The following SLC25A16 variants were observed in gnomAD, a reference collection of about 807,000 sequenced individuals.
SLC25A16 encodes mitochondrial coenzyme A transporter SLC25A16.
A neutral mutation model predicts 41.5 loss-of-function variants in SLC25A16; 39 were observed. The observed-to-expected ratio is 0.94, with a 90% CI of 0.73 to 1.23. The LOEUF is 1.23. Ranked by LOEUF, SLC25A16 falls within the 50% of genes most tolerant of loss-of-function variation. The pLI is 0.00. For missense variants in SLC25A16, 421 were observed against 426.9 expected, an observed-to-expected ratio of 0.99 and a Z score of 0.12; for synonymous variants, 146 against 147.8, an observed-to-expected ratio of 0.99 and a Z score of 0.09.
At chr10:68,512,013 A>C (rs969439012) in intron 2 of SLC25A16, among the ~76,000 whole-genome samples, 1 of 152,026 alleles carries the variant, frequency 6.6e-6, no homozygotes, top group Admixed American at 6.6e-5. Flanking sequence ...TGCGCCACCA[A>C]GCCTGGATAA....
intron 3 of SLC25A16, among the ~76,000 whole-genome samples, chr10:68,504,433 G>GT (rs1228335776): frequency 2.7e-4 from 37 of 135,782 alleles, no homozygotes; most frequent in African/African-American, 1.0e-3. Flanking sequence ...TGCTGCTTGT[G>GT]TTTTTTTTGT....
intron 6 of SLC25A16, among the ~76,000 whole-genome samples, chr10:68,491,793 CTCT>C (rs2052662702): frequency 9.3e-6 from 1 of 107,386 alleles, no homozygotes; most frequent in Admixed American, 1.1e-4. Flanking sequence ...GTAAACTTCT[CTCT>C]GTTTGCTTGC....
intron 4 of SLC25A16, among the ~76,000 whole-genome samples, chr10:68,498,686 C>A (rs568578132): frequency 6.6e-6 from 1 of 152,220 alleles, no homozygotes; most frequent in South Asian, 2.1e-4. Flanking sequence ...CAGAGCAAAA[C>A]CCTGTCTCTG....
chr10:68,493,034 AC>A, intron 6 of SLC25A16, 97 bp downstream of exon 6: 1 of 732,258 alleles, frequency 1.4e-6, no homozygotes, highest in East Asian at 2.6e-5. Context: ...AAAGTACTTA[AC>A]AGATAACATC....
Position 68,483,244 on chromosome 10 carries a change from T to C in SLC25A16, c.*188A>G. The C allele has an allele frequency of 2.0e-6, 1 of 503,302 alleles. No homozygotes were observed. The highest frequency in any genetic ancestry group is 3.5e-6 in the Non-Finnish European group (1 of 284,966). The allele number at this position is 503,302 out of a possible 1,614,324, so 31.2% of individuals were successfully genotyped here. On this transcript the variant is annotated 3_prime_UTR_variant, in exon 9 of 9. Coordinates refer to ENST00000609923, the MANE Select transcript of SLC25A16 (RefSeq NM_152707.4). ...TCTTCAATGTTCTAAGGTATAATGT[T>C]TGGCATCAAAAAGTATGGTAAGCAG...
In SLC25A16 at chr10:68,478,080, T is replaced by G. The variant is rs926773544; in HGVS notation, c.*5352A>C. On this transcript the variant is annotated 3_prime_UTR_variant, in exon 9 of 9. Coordinates refer to ENST00000609923, the MANE Select transcript of SLC25A16 (RefSeq NM_152707.4). ...TTCATTTGAACAGTGTATTACTGTA[T>G]TAAAGTATAGCATCATAGCTAAAAG... The G allele has an allele frequency of 3.2e-4, 48 of 152,318 alleles. No homozygotes were observed. Among genetic ancestry groups the G allele is most frequent in the African/African-American group, 1.2e-3 (48 of 41,588 alleles). The allele number at this position is 152,318 out of a possible 1,614,324, so 9.4% of individuals were successfully genotyped here. A position where few individuals can be genotyped will look rare whatever the true frequency, so the allele number is the denominator to read the frequency against.
intron 2 of SLC25A16, among the ~76,000 whole-genome samples, chr10:68,508,160 C>T (rs1346417597): frequency 2.0e-5 from 3 of 151,794 alleles, no homozygotes; most frequent in Non-Finnish European, 4.4e-5. Flanking sequence ...TGCAGTGAGC[C>T]GAGATTGCAC....
At chr10:68,502,689 G>A (rs1400833710) in intron 4 of SLC25A16, among the ~76,000 whole-genome samples, 3 of 140,198 alleles carry the variant, frequency 2.1e-5, no homozygotes, top group Admixed American at 1.5e-4. Flanking sequence ...TTGTGATCAC[G>A]CCACTGCACT....
At chr10:68,495,300 A>AT (rs1451537812) in intron 4 of SLC25A16, among the ~76,000 whole-genome samples, 3 of 151,368 alleles carry the variant, frequency 2.0e-5, no homozygotes, top group Admixed American at 2.0e-4. Flanking sequence ...AATCTCAGCT[A>AT]CTCTACTCGG....
At chr10:68,502,209 G>A (rs2664433) in intron 4 of SLC25A16, among the ~76,000 whole-genome samples, 12,320 of 151,282 alleles carry the variant, frequency 0.081, 768 homozygotes, top group African/African-American at 0.17. Context: ...ACAAGACTCC[G>A]TCTCAAAAAA....
Position 68,479,662 on chromosome 10 carries a change from G to C in SLC25A16, c.*3770C>G, listed in dbSNP as rs1361819322. ...CTACTAAATACACAAAAATTAGCTG[G>C]GCGTGGTGGCGGGTGCTTGTAACCC... On this transcript the variant is annotated 3_prime_UTR_variant, in exon 9 of 9. Transcript: ENST00000609923. The C allele has an allele frequency of 6.6e-6, 1 of 152,020 alleles. No homozygotes were observed. Among genetic ancestry groups the C allele is most frequent in the Non-Finnish European group, 1.5e-5 (1 of 68,074 alleles). 9.4% of individuals were successfully genotyped at this position (152,020 alleles called of 1,614,324 possible).
chr10:68,503,850 G>C (rs1337029212), intron 3 of SLC25A16, among the ~76,000 whole-genome samples, 155 bp from the exon 4 acceptor site: 2 of 151,986 alleles, frequency 1.3e-5, no homozygotes, highest in Admixed American at 1.3e-4. Context: ...ATACAGCTTG[G>C]CAGTGTTATA....
At chr10:68,518,860 C>A (rs1012887672) in intron 1 of SLC25A16, among the ~76,000 whole-genome samples, 2 of 151,924 alleles carry the variant, frequency 1.3e-5, no homozygotes, top group Non-Finnish European at 2.9e-5. Context: ...ATTATATCCA[C>A]TATGTTTCCA....
At position 68,527,362 on chromosome 10, in the gene SLC25A16, G is replaced by A; in HGVS notation, c.14C>T (p.Thr5Met). 2.0e-6 allele frequency: 3 copies of A among 1,501,794 alleles called. No individual in the cohort carries two copies. Among genetic ancestry groups the A allele is most frequent in the Non-Finnish European group, 2.7e-6 (3 of 1,130,644 alleles). 93.0% of individuals were successfully genotyped at this position (1,501,794 alleles called of 1,614,324 possible). Residue 5 changes from threonine (T) to methionine (M), a missense_variant, in exon 1 of 9, where the codon ACG becomes ATG. Thr to Met is a moderately conservative substitution (Grantham distance 81). Transcript: ENST00000609923. MAAATAAAALAAADP... is the reference protein window; with the variant it reads MAAAMAAAALAAADP... ...GGCCGCCGCCAGGGCTGCCGCGGCCGTCGCCGCCGCCATCAGGACCAGGGT... is the reference window on the plus strand; with the variant it reads ...GGCCGCCGCCAGGGCTGCCGCGGCCATCGCCGCCGCCATCAGGACCAGGGT...
At position 68,511,860 on chromosome 10, in the gene SLC25A16, A is replaced by AT. The variant is rs1252932932; in HGVS notation, c.223+4890dup. 8.0e-3 allele frequency among the ~76,000 whole-genome samples: 1,161 copies of AT among 144,654 alleles called. 16 individuals are homozygous for AT. Among genetic ancestry groups the AT allele is most frequent in the African/African-American group, 0.025 (1,009 of 39,684 alleles). 94.9% of individuals were successfully genotyped at this position (144,654 alleles called of 152,430 possible). On this transcript the variant is annotated intron_variant, in intron 2 of 8. Coordinates refer to ENST00000609923, the MANE Select transcript of SLC25A16 (RefSeq NM_152707.4). ...AGGTACATGCAACCACATGCATTTA[A>AT]TTTTTTTTTTTTTTAAGATGGGTTC...
At chr10:68,500,717 G>C (rs1193647551) in intron 4 of SLC25A16, among the ~76,000 whole-genome samples, 2 of 151,596 alleles carry the variant, frequency 1.3e-5, no homozygotes, top group African/African-American at 4.8e-5. Context: ...GATCACCTGA[G>C]GTCCGGAGTT....
chr10:68,526,317 C>T (rs1387327179), intron 1 of SLC25A16, among the ~76,000 whole-genome samples: 2 of 152,298 alleles, frequency 1.3e-5, no homozygotes, highest in Middle Eastern at 3.4e-3. Flanking sequence ...TATGTGTATG[C>T]ATATCTAAGA....
chr10:68,512,618 A>G lies in SLC25A16; in HGVS notation c.223+4133T>C, dbSNP rs1386344576. Among the ~76,000 whole-genome samples the G allele has an allele frequency of 6.4e-5, 9 of 140,516 alleles. 1 individual carries two copies. Among genetic ancestry groups the G allele is most frequent in the South Asian group, 4.7e-4 (2 of 4,242 alleles). The allele number at this position is 140,516 out of a possible 152,430, so 92.2% of individuals were successfully genotyped here. A position where few individuals can be genotyped will look rare whatever the true frequency, so the allele number is the denominator to read the frequency against. On this transcript the variant is annotated intron_variant, in intron 2 of 8. Coordinates refer to ENST00000609923, the MANE Select transcript of SLC25A16 (RefSeq NM_152707.4). The stretch of plus-strand genomic sequence containing the variant: ...CCCGCCACTGCACTCCAGCCTGGGC[A>G]ACAGAGCGAGACTCCGTCTCAAAAA...
intron 4 of SLC25A16, among the ~76,000 whole-genome samples, chr10:68,500,520 C>T (rs1320542518): frequency 6.6e-6 from 1 of 151,910 alleles, no homozygotes; most frequent in Non-Finnish European, 1.5e-5. Context: ...GTTGGCTAGG[C>T]TGGTCTCAAA....
Sources: allele counts gnomAD v4.1 joint callset (sites outside exome capture counted in the v4.1 genomes callset), GRCh38; gene constraint gnomAD v4.1.1; transcripts MANE v1.5; gene names NCBI Gene and HGNC (gene_info 2026-07-23, HGNC 2026-07-21).